Variants in TRPC5 observed in about 807,000 individuals in gnomAD.
TRPC5 encodes the protein transient receptor potential cation channel subfamily C member 5, also known as short transient receptor potential channel 5.
Under a neutral mutation model 56.5 loss-of-function variants are expected in TRPC5, and 9 were observed. The observed-to-expected ratio is 0.16, with a 90% CI of 0.10 to 0.28. The LOEUF is 0.28. TRPC5 is among the 10% of genes least tolerant of loss of function. The pLI, the probability that TRPC5 is intolerant of heterozygous loss-of-function variation, is 1.00. For synonymous variants in TRPC5, 282 were observed against 278.5 expected, an observed-to-expected ratio of 1.01 and a Z score of -0.13; for missense variants, 469 against 748.9, an observed-to-expected ratio of 0.63 and a Z score of 4.36.
intron 3 of TRPC5, among the ~76,000 whole-genome samples, chrX:111,886,117 T>G (rs768751449): frequency 9.0e-6 from 1 of 111,141 alleles, no homozygotes; most frequent in East Asian, 2.9e-4. Context: ...CTGTCTCTAC[T>G]AAAAATATAA....
At chrX:111,933,682 C>T (rs1225307744) in intron 2 of TRPC5, among the ~76,000 whole-genome samples, 1 of 111,268 alleles carries the variant, frequency 9.0e-6, no homozygotes, top group East Asian at 2.8e-4. Context: ...TCCCTTGGTC[C>T]GTGTTAGATC....
chrX:111,955,738 T>A (rs1927217873), intron 1 of TRPC5, among the ~76,000 whole-genome samples: 1 of 111,995 alleles, frequency 8.9e-6, no homozygotes, highest in African/African-American at 3.2e-5. Flanking sequence ...TACTCTGCCA[T>A]TATTCTGAGA....
intron 3 of TRPC5, chrX:111,902,041 C>T: frequency 2.6e-6 from 3 of 1,155,564 alleles, no homozygotes; most frequent in Non-Finnish European, 3.4e-6. Context: ...TACCTGATCT[C>T]CCTGATCTCT....
At chrX:112,029,866 T>C (rs1929538317) in intron 1 of TRPC5, among the ~76,000 whole-genome samples, 1 of 109,715 alleles carries the variant, frequency 9.1e-6, no homozygotes, top group African/African-American at 3.3e-5. Context: ...TCGCTCTTGT[T>C]ACCCAGACTG....
intron 1 of TRPC5, among the ~76,000 whole-genome samples, chrX:111,989,509 T>C (rs1316536214): frequency 8.9e-6 from 1 of 111,868 alleles, no homozygotes; most frequent in East Asian, 2.8e-4. Context: ...AGGTTTCAAC[T>C]TCATATTGGA....
chrX:112,001,711 A>G (rs1450038318), intron 1 of TRPC5, among the ~76,000 whole-genome samples: 1 of 111,822 alleles, frequency 8.9e-6, no homozygotes, highest in East Asian at 2.8e-4. Context: ...CAGTGAGCCA[A>G]GATCCTGCCA....
At chrX:112,034,907 C>G (rs1435296113) in intron 1 of TRPC5, among the ~76,000 whole-genome samples, 1 of 106,066 alleles carries the variant, frequency 9.4e-6, no homozygotes, top group Non-Finnish European at 1.9e-5. Context: ...TTGATCTTAT[C>G]AAACAACTAA....
At chrX:111,894,049 G>C (rs1382151106) in intron 3 of TRPC5, among the ~76,000 whole-genome samples, 3 of 111,161 alleles carry the variant, frequency 2.7e-5, no homozygotes, top group Non-Finnish European at 5.7e-5. Flanking sequence ...GTATCCAAAT[G>C]GTACTGCAGC....
chrX:112,025,464 C>G (rs189455047), intron 1 of TRPC5, among the ~76,000 whole-genome samples: 24 of 112,024 alleles, frequency 2.1e-4, no homozygotes, highest in Non-Finnish European at 4.3e-4. Context: ...AACCATAGGT[C>G]ACTAACACCA....
intron 1 of TRPC5, among the ~76,000 whole-genome samples, chrX:111,954,043 C>T (rs967436675): frequency 8.9e-6 from 1 of 112,225 alleles, no homozygotes; most frequent in Non-Finnish European, 1.9e-5. Flanking sequence ...CCTGAAGAAG[C>T]ACTGATACAT....
At chrX:111,981,498 G>A (rs1021068537) in intron 1 of TRPC5, among the ~76,000 whole-genome samples, 9 of 111,567 alleles carry the variant, frequency 8.1e-5, no homozygotes, top group East Asian at 2.8e-4. Flanking sequence ...ATATCTTGGC[G>A]CCCTATGGCC....
At chrX:111,855,423 C>CTAGG (rs1923197016) in intron 3 of TRPC5, among the ~76,000 whole-genome samples, 2 of 111,809 alleles carry the variant, frequency 1.8e-5, no homozygotes, top group African/African-American at 6.5e-5. Flanking sequence ...CTGGTGTGAT[C>CTAGG]TAGGGGCTTC....
chrX:111,804,114 TC>T (rs1211659322), intron 7 of TRPC5, among the ~76,000 whole-genome samples: 3 of 112,411 alleles, frequency 2.7e-5, no homozygotes, highest in Admixed American at 9.4e-5. Flanking sequence ...GGGAATCCTT[TC>T]CCCATTACTT....
intron 2 of TRPC5, among the ~76,000 whole-genome samples, chrX:111,947,188 C>T (rs1797210756): frequency 9.0e-6 from 1 of 111,478 alleles, no homozygotes; most frequent in Admixed American, 9.6e-5. Context: ...TCCTGACTTA[C>T]TCAGACTGCT....
intron 7 of TRPC5, among the ~76,000 whole-genome samples, chrX:111,810,308 A>G (rs1304850996): frequency 9.0e-6 from 1 of 111,112 alleles, no homozygotes. Flanking sequence ...CAGAAAGTGG[A>G]AATCACAGGG....
rs12687214 is a variant in TRPC5, at chrX:111,991,598, G to A, written c.-21-39157C>T. Among the ~76,000 whole-genome samples, 154 of 112,025 alleles carry A rather than the reference G, an allele frequency of 1.4e-3. 1 individual carries two copies. The East Asian group carries it at 0.038, about 28-fold the overall frequency. On this transcript the variant is annotated intron_variant, in intron 1 of 10. Transcript: ENST00000262839. Reference sequence around the variant, plus strand: ...ACACCATGAGCAAATGAGCAAAGTAGATAGATGAATCAATTTGATAAAGAA... The same window carrying A: ...ACACCATGAGCAAATGAGCAAAGTAAATAGATGAATCAATTTGATAAAGAA...
chrX:111,989,819 T>C (rs1209286920), intron 1 of TRPC5, among the ~76,000 whole-genome samples: 1 of 112,473 alleles, frequency 8.9e-6, no homozygotes, highest in Non-Finnish European at 1.9e-5. Context: ...AGATGCATAC[T>C]GTATGATATC....
At chrX:111,809,338 A>T (rs1203872695) in intron 7 of TRPC5, among the ~76,000 whole-genome samples, 3 of 111,412 alleles carry the variant, frequency 2.7e-5, no homozygotes, top group Non-Finnish European at 5.7e-5. Context: ...GATGGTTGGG[A>T]TGAACAGTTC....
At chrX:112,025,748 A>G (rs1235858675) in intron 1 of TRPC5, among the ~76,000 whole-genome samples, 1 of 111,444 alleles carries the variant, frequency 9.0e-6, no homozygotes, top group Non-Finnish European at 1.9e-5. Flanking sequence ...AAACTAGCCA[A>G]TCCACAATTC....
Sources: gnomAD v4.1 joint callset for allele counts (sites outside exome capture counted in the v4.1 genomes callset) on GRCh38, gnomAD v4.1.1 for gene constraint, MANE v1.5 for transcripts, NCBI Gene and HGNC (gene_info 2026-07-23, HGNC 2026-07-21) for gene names.